Variants in RGS6 observed in about 807,000 individuals in gnomAD.
RGS6 encodes regulator of G-protein signaling 6.
RGS6 carries 30 observed loss-of-function variants against 78.5 expected under a neutral mutation model. The observed-to-expected ratio is 0.38, with a 90% CI of 0.29 to 0.52. The LOEUF is 0.52. Ranked by LOEUF, RGS6 falls within the 20% of genes least tolerant of loss-of-function variation. RGS6 has a pLI of 0.85. For synonymous variants in RGS6, 206 were observed against 206.0 expected (o/e 1.00, Z 0.00); for missense variants, 495 against 609.7 (o/e 0.81, Z 1.98).
intron 2 of RGS6, among the ~76,000 whole-genome samples, chr14:72,122,229 G>GT (rs571935302): frequency 4.1e-4 from 62 of 152,256 alleles, no homozygotes; most frequent in African/African-American, 1.3e-3. Flanking sequence ...GAGATGAGGT[G>GT]TATCTGACTG....
At chr14:71,996,821 G>A (rs1339227080) in intron 2 of RGS6, among the ~76,000 whole-genome samples, 2 of 152,102 alleles carry the variant, frequency 1.3e-5, no homozygotes, top group Non-Finnish European at 2.9e-5. Context: ...TGATGACGAA[G>A]GATGGTACAG....
chr14:72,304,180 C>G (rs903347193), intron 2 of RGS6, among the ~76,000 whole-genome samples: 1 of 152,234 alleles, frequency 6.6e-6, no homozygotes, highest in Non-Finnish European at 1.5e-5. Flanking sequence ...GTATGGTGAA[C>G]AGTGTCCTCC....
At chr14:71,924,186 A>G in the RGS6 span, among the ~76,000 whole-genome samples, 2 of 152,102 alleles carry the variant, frequency 1.3e-5, no homozygotes, top group African/African-American at 4.8e-5. Context: ...CTGGGACTAC[A>G]GGCTTGTGCC....
intron 2 of RGS6, among the ~76,000 whole-genome samples, chr14:71,978,802 C>T (rs1438569094): frequency 3.3e-5 from 5 of 152,078 alleles, no homozygotes. Flanking sequence ...AGGATTCCCT[C>T]TTTTCCTATT....
At chr14:72,490,270 G>A (rs1176862131) in intron 12 of RGS6, among the ~76,000 whole-genome samples, 1 of 152,186 alleles carries the variant, frequency 6.6e-6, no homozygotes, top group African/African-American at 2.4e-5. Context: ...TTTGCCTGCT[G>A]CCATCCATGT....
chr14:72,129,736 G>A (rs1341123261), intron 2 of RGS6, among the ~76,000 whole-genome samples: 1 of 152,174 alleles, frequency 6.6e-6, no homozygotes, highest in East Asian at 1.9e-4. Flanking sequence ...AAAGCACAAA[G>A]GGAGAAGCTT....
chr14:72,604,714 G>A, the RGS6 span, among the ~76,000 whole-genome samples: 1 of 152,112 alleles, frequency 6.6e-6, no homozygotes, highest in Non-Finnish European at 1.5e-5. Context: ...ACCCTCCTTA[G>A]CTCCTCCCAG....
chr14:72,496,383 G>A (rs1052108262), intron 13 of RGS6, among the ~76,000 whole-genome samples: 9 of 152,176 alleles, frequency 5.9e-5, no homozygotes, highest in Admixed American at 3.9e-4. Flanking sequence ...ATTAGAGCAC[G>A]TTACATCCCT....
the RGS6 span, among the ~76,000 whole-genome samples, chr14:72,610,726 G>A: frequency 1.3e-5 from 2 of 152,186 alleles, no homozygotes; most frequent in African/African-American, 4.8e-5. Flanking sequence ...GTGGGAGATG[G>A]AGCCTTCTCA....
Position 72,047,142 on chromosome 14 carries a change from G to A in RGS6, c.84+82267G>A, listed in dbSNP as rs114027100. 4.2e-3 allele frequency among the ~76,000 whole-genome samples: 642 copies of A among 152,308 alleles called. 4 individuals carry two copies. The highest frequency in any genetic ancestry group is 0.015 in the African/African-American group (617 of 41,558). On this transcript the variant is annotated intron_variant, in intron 2 of 17. Coordinates refer to ENST00000553525, the MANE Select transcript of RGS6 (RefSeq NM_001204424.2). ...ACACGACATAATGCACACTGAGCAC[G>A]GTGACAGCTCCAGACGATGGTCTAC...
At chr14:72,243,444 A>G (rs931068035) in intron 2 of RGS6, among the ~76,000 whole-genome samples, 1 of 152,220 alleles carries the variant, frequency 6.6e-6, no homozygotes, top group Non-Finnish European at 1.5e-5. Flanking sequence ...ATGACAAGTG[A>G]GAAAATGGGT....
intron 11 of RGS6, 132 bp downstream of exon 11, chr14:72,476,972 T>C (rs994569170): frequency 4.1e-6 from 3 of 736,252 alleles, no homozygotes; most frequent in Middle Eastern, 2.4e-4. Flanking sequence ...CTGTGGGTGA[T>C]TGAACCTTTT....
At chr14:72,071,519 G>A (rs775356766) in intron 2 of RGS6, among the ~76,000 whole-genome samples, 11 of 152,160 alleles carry the variant, frequency 7.2e-5, no homozygotes, top group Non-Finnish European at 1.0e-4. Context: ...TTCCATTAGC[G>A]GTACACAAGA....
the RGS6 span, among the ~76,000 whole-genome samples, chr14:72,606,916 T>C: frequency 2.2e-4 from 33 of 152,184 alleles, no homozygotes; most frequent in African/African-American, 6.3e-4. Flanking sequence ...TCCTCCTCAA[T>C]TGAAAGCTTC....
At chr14:72,153,834 G>T (rs1206560330) in intron 2 of RGS6, among the ~76,000 whole-genome samples, 1 of 152,034 alleles carries the variant, frequency 6.6e-6, no homozygotes, top group African/African-American at 2.4e-5. Context: ...TCCTGATAAG[G>T]GTCTATGTTC....
Position 72,181,819 on chromosome 14 carries a change from A to G in RGS6, c.85-170276A>G, listed in dbSNP as rs80110124. On this transcript the variant is annotated intron_variant, in intron 2 of 17. Coordinates refer to ENST00000553525, the MANE Select transcript of RGS6 (RefSeq NM_001204424.2). ...TTTGAGTACCTACTATGTGCCTAAT[A>G]GAGTCAGAGTGACGCACATTAAAAT... Among the ~76,000 whole-genome samples, 346 of 152,352 alleles carry G rather than the reference A, an allele frequency of 2.3e-3. 2 individuals carry two copies. The highest frequency in any genetic ancestry group is 7.9e-3 in the African/African-American group (329 of 41,574).
At chr14:72,196,282 A>T (rs2040119589) in intron 2 of RGS6, among the ~76,000 whole-genome samples, 1 of 152,168 alleles carries the variant, frequency 6.6e-6, no homozygotes, top group South Asian at 2.1e-4. Context: ...TGGGAGATGG[A>T]GAGGAGAGGC....
intron 1 of RGS6, 23 bp from the exon 2 acceptor site, chr14:71,964,749 G>A (rs1305055842): frequency 4.0e-6 from 6 of 1,508,434 alleles, no homozygotes; most frequent in Non-Finnish European, 4.6e-6. Flanking sequence ...GTGACTTAAT[G>A]GTTTATTCAT....
chr14:72,432,167 A>G (rs1365558796), intron 3 of RGS6, among the ~76,000 whole-genome samples: 2 of 152,310 alleles, frequency 1.3e-5, no homozygotes, highest in East Asian at 3.9e-4. Flanking sequence ...AGACATTGAC[A>G]TAGACCCCAG....
Sources: gnomAD v4.1 joint callset for allele counts (sites outside exome capture counted in the v4.1 genomes callset) on GRCh38, gnomAD v4.1.1 for gene constraint, MANE v1.5 for transcripts, NCBI Gene and HGNC (gene_info 2026-07-23, HGNC 2026-07-21) for gene names.